The following NRCAM variants were observed in gnomAD, a reference collection of about 807,000 sequenced individuals.
The protein encoded by NRCAM is NgCAM-related cell adhesion molecule.
Under a neutral mutation model 156.5 loss-of-function variants are expected in NRCAM, and 83 were observed. The ratio of observed to expected loss-of-function variants is 0.53; its 90% confidence interval spans 0.44 to 0.64. The LOEUF is 0.64. Ranked by LOEUF, NRCAM falls within the 30% of genes least tolerant of loss-of-function variation. The probability of loss-of-function intolerance (pLI) is 0.00; values close to 1 mark genes in which losing one functional copy is unlikely to be tolerated. For synonymous variants in NRCAM, 538 were observed against 563.9 expected (o/e 0.95, Z 0.65); for missense variants, 1,417 against 1,597.3 (o/e 0.89, Z 1.92).
In NRCAM at chr7:108,149,786, A is replaced by G. The variant is rs2040211342; in HGVS notation, c.*124T>C. On this transcript the variant is annotated 3_prime_UTR_variant, in exon 33 of 33. Transcript: ENST00000379028. ...TTATGTTTTTGCTGTAACTATTCTC[A>G]TAATACTAACATACAGCAGAAAATA... is the stretch of plus-strand genomic sequence containing the variant. 2.6e-6 allele frequency: 2 copies of G among 776,032 alleles called. No homozygotes were observed. Among genetic ancestry groups the G allele is most frequent in the Non-Finnish European group, 4.3e-6 (2 of 469,502 alleles). The allele number at this position is 776,032 out of a possible 1,614,324, so 48.1% of individuals were successfully genotyped here. A position where few individuals can be genotyped will look rare whatever the true frequency, so the allele number is the denominator to read the frequency against.
At position 108,192,326 on chromosome 7, in the gene NRCAM, CTG is replaced by C. The variant is rs2072408768; in HGVS notation, c.1779-475_1779-474del. On this transcript the variant is annotated intron_variant, in intron 17 of 32. Coordinates refer to ENST00000379028, the MANE Select transcript of NRCAM (RefSeq NM_001037132.4). ...TGCAAGTGAGAGATCTAGATCTAGA[CTG>C]TGCTCTCCTATGACAATCTAATGCC... Among the ~76,000 whole-genome samples the C allele has an allele frequency of 5.9e-5, 9 of 152,304 alleles. No individual in the cohort carries two copies. The South Asian group carries it at 1.9e-3, about 32-fold the overall frequency.
chr7:108,394,375 T>C (rs962979645), intron 2 of NRCAM, among the ~76,000 whole-genome samples: 10 of 152,240 alleles, frequency 6.6e-5, no homozygotes, highest in East Asian at 3.9e-4. Flanking sequence ...GGATTCTGAG[T>C]TACAGATTAT....
At chr7:108,423,878 C>T (rs1210723067) in intron 1 of NRCAM, among the ~76,000 whole-genome samples, 3 of 152,184 alleles carry the variant, frequency 2.0e-5, no homozygotes, top group South Asian at 2.1e-4. Context: ...CATATGCTGA[C>T]GTCAGAGTGT....
chr7:108,289,419 T>A (rs1234869451), intron 3 of NRCAM, among the ~76,000 whole-genome samples: 1 of 152,190 alleles, frequency 6.6e-6, no homozygotes, highest in Non-Finnish European at 1.5e-5. Context: ...TCTTAGTATT[T>A]TTCAAGAAAA....
chr7:108,397,826 A>T (rs1307138573), intron 2 of NRCAM, among the ~76,000 whole-genome samples: 1 of 152,206 alleles, frequency 6.6e-6, no homozygotes, highest in Non-Finnish European at 1.5e-5. Context: ...GACTGCTTTG[A>T]ATTTCCTTTT....
chr7:108,179,566 T>C (rs1273632323), intron 25 of NRCAM, among the ~76,000 whole-genome samples: 1 of 152,200 alleles, frequency 6.6e-6, no homozygotes, highest in African/African-American at 2.4e-5. Context: ...GGGCCCCTCT[T>C]TCCCTCACCC....
At chr7:108,321,937 C>T (rs1217887320) in intron 2 of NRCAM, among the ~76,000 whole-genome samples, 2 of 152,110 alleles carry the variant, frequency 1.3e-5, no homozygotes, top group African/African-American at 2.4e-5. Context: ...TAAAGACAGG[C>T]ATAAAAATAT....
intron 20 of NRCAM, among the ~76,000 whole-genome samples, chr7:108,189,227 G>A (rs2069444412): frequency 6.6e-6 from 1 of 152,176 alleles, no homozygotes; most frequent in South Asian, 2.1e-4. Context: ...ACAGGGGGTT[G>A]AAAAGTTACT....
chr7:108,224,054 A>T (rs998184290), intron 10 of NRCAM, among the ~76,000 whole-genome samples: 1 of 152,176 alleles, frequency 6.6e-6, no homozygotes, highest in Non-Finnish European at 1.5e-5. Flanking sequence ...TGGTGGCATA[A>T]GCACTAATAA....
intron 8 of NRCAM, among the ~76,000 whole-genome samples, chr7:108,230,330 C>A (rs1362694996): frequency 1.3e-5 from 2 of 151,746 alleles, no homozygotes; most frequent in Non-Finnish European, 2.9e-5. Flanking sequence ...GTCCAAGTCA[C>A]CAACAAATTT....
intron 1 of NRCAM, among the ~76,000 whole-genome samples, chr7:108,437,609 C>T (rs761395069): frequency 2.6e-5 from 4 of 152,026 alleles, no homozygotes; most frequent in East Asian, 3.9e-4. Context: ...CAAAAAACAA[C>T]GGAGGCCTGA....
chr7:108,182,736 GC>G lies in NRCAM; in HGVS notation c.2488del (p.Ala830ProfsTer6). The G allele has an allele frequency of 6.2e-7, 1 of 1,614,214 alleles. No individual in the cohort carries two copies. The highest frequency in any genetic ancestry group is 8.5e-7 in the Non-Finnish European group (1 of 1,180,036). On this transcript the variant is annotated frameshift_variant, in exon 23 of 33. Coordinates refer to ENST00000379028, the MANE Select transcript of NRCAM (RefSeq NM_001037132.4). LOFTEE classifies it high-confidence loss of function. Reference protein sequence around the residue: ...KVQALNDMGFAPEPAVVMGHS... With the variant: ...KVQALNDMGFXPEPAVVMGHS... ...TCCCATGACTACAGCTGGCTCGGGG[GC>G]AAACCCCATGTCATTCAGGGCCTGA...
chr7:108,325,153 G>GAA (rs11399088), intron 2 of NRCAM, among the ~76,000 whole-genome samples: 6 of 151,658 alleles, frequency 4.0e-5, no homozygotes, highest in Admixed American at 6.6e-5. Context: ...AGCTAACCTA[G>GAA]AAAAAAAATT....
At chr7:108,366,274 G>T (rs1331814151) in intron 2 of NRCAM, among the ~76,000 whole-genome samples, 2 of 152,164 alleles carry the variant, frequency 1.3e-5, no homozygotes, top group East Asian at 3.8e-4. Flanking sequence ...ATACATATCA[G>T]ATTCATGATT....
chr7:108,150,516 TA>T (rs1469296241), intron 32 of NRCAM, among the ~76,000 whole-genome samples: 1 of 152,166 alleles, frequency 6.6e-6, no homozygotes, highest in Non-Finnish European at 1.5e-5. Flanking sequence ...TTATGGCAAG[TA>T]AAGAAGTTAG....
At chr7:108,416,362 G>A (rs1801586927) in intron 1 of NRCAM, among the ~76,000 whole-genome samples, 1 of 152,170 alleles carries the variant, frequency 6.6e-6, no homozygotes, top group African/African-American at 2.4e-5. Flanking sequence ...GGTTGACAAC[G>A]CTAGACAGAA....
chr7:108,442,829 T>G (rs1021522957), intron 1 of NRCAM, among the ~76,000 whole-genome samples: 19 of 152,256 alleles, frequency 1.2e-4, no homozygotes, highest in Non-Finnish European at 2.5e-4. Flanking sequence ...TCTCTGCTCC[T>G]GTCTAGGGCC....
intron 3 of NRCAM, among the ~76,000 whole-genome samples, chr7:108,288,808 A>C (rs2098190590): frequency 6.6e-6 from 1 of 152,096 alleles, no homozygotes; most frequent in South Asian, 2.1e-4. Context: ...ATAGACCATC[A>C]CTACTGAATT....
chr7:108,448,182 CA>C (rs1275830039), intron 1 of NRCAM, among the ~76,000 whole-genome samples: 5 of 152,120 alleles, frequency 3.3e-5, no homozygotes, highest in Admixed American at 6.5e-5. Flanking sequence ...ATGAAACACA[CA>C]AGGTATATAT....
Sources: gnomAD v4.1 joint callset for allele counts (sites outside exome capture counted in the v4.1 genomes callset) on GRCh38, gnomAD v4.1.1 for gene constraint, MANE v1.5 for transcripts, NCBI Gene and HGNC (gene_info 2026-07-23, HGNC 2026-07-21) for gene names.